BOK: variants seen among roughly 807,000 people sequenced by gnomAD.
BOK encodes the protein BCL2 family apoptosis regulator BOK.
A neutral mutation model predicts 18.3 loss-of-function variants in BOK; 20 were observed. The observed-to-expected ratio is 1.09, with a 90% CI of 0.77 to 1.59. BOK has a LOEUF of 1.59. BOK is among the 40% of genes most tolerant of loss of function. The pLI is 0.00. For synonymous variants in BOK, 173 were observed against 142.4 expected (o/e 1.21, Z -1.53); for missense variants, 348 against 307.9 (o/e 1.13, Z -0.97).
chr2:241,556,278 A>G (rs1359378605), upstream of BOK, among the ~76,000 whole-genome samples: 1 of 152,232 alleles, frequency 6.6e-6, no homozygotes, highest in African/African-American at 2.4e-5. Context: ...ACTACATGAC[A>G]TGGATTAAGA....
At position 241,572,673 on chromosome 2, in the gene BOK, T is replaced by A; in HGVS notation, c.*251T>A. On this transcript the variant is annotated 3_prime_UTR_variant, in exon 5 of 5. Coordinates refer to ENST00000318407, the MANE Select transcript of BOK (RefSeq NM_032515.5). ...CGCTTGTGTCCCTTCTCCTGTGATC[T>A]CTGTGTTTTCCCTTTTCTTTCTGGG... The A allele has an allele frequency of 1.8e-6, 1 of 563,904 alleles. No homozygotes were observed. The highest frequency in any genetic ancestry group is 3.1e-6 in the Non-Finnish European group (1 of 319,304). The allele number at this position is 563,904 out of a possible 1,614,324, so 34.9% of individuals were successfully genotyped here.
At chr2:241,566,480 G>A (rs1291185212) in intron 3 of BOK, among the ~76,000 whole-genome samples, 3 of 151,426 alleles carry the variant, frequency 2.0e-5, no homozygotes, top group Non-Finnish European at 4.4e-5. Context: ...TGTATTGTTA[G>A]TATTATTTAT....
In BOK at chr2:241,562,294, G is replaced by T. The variant is rs2066537429; in HGVS notation, c.221-54G>T. The T allele has an allele frequency of 1.9e-6, 3 of 1,543,822 alleles. No individual in the cohort carries two copies. Among genetic ancestry groups the T allele is most frequent in the Non-Finnish European group, 2.6e-6 (3 of 1,145,716 alleles). Reference sequence around the variant, plus strand: ...GCAGGGTGTGCCCCAAGCCAGTCGTGTCCCAGGAAGCTGGGACGTGGGCTG... The same window carrying T: ...GCAGGGTGTGCCCCAAGCCAGTCGTTTCCCAGGAAGCTGGGACGTGGGCTG... On this transcript the variant is annotated intron_variant, in intron 2 of 4. Coordinates refer to ENST00000318407, the MANE Select transcript of BOK (RefSeq NM_032515.5). This position sits in a 1 kb window ranked among gnomAD's most constrained non-coding sequence, Gnocchi z 4.5.
chr2:241,572,236 C>T (rs372121373), intron 4 of BOK, 61 bp from the exon 5 acceptor site: 54 of 1,588,142 alleles, frequency 3.4e-5, no homozygotes, highest in East Asian at 1.4e-4. Flanking sequence ...GGGGGCCTGG[C>T]GGTGCTGGGG....
chr2:241,568,977 CCGGGGACCGCTGCTAACTCCCTG>C (rs952359431), intron 3 of BOK, among the ~76,000 whole-genome samples: 7 of 150,544 alleles, frequency 4.6e-5, no homozygotes, highest in East Asian at 1.9e-4. Context: ...CTGACTCCCT[CCGGGGACCGCTGCTAACTCCCTG>C]CGGGGATCAC....
At chr2:241,551,906 T>G (rs1574990431) in intron 1 of BOK, among the ~76,000 whole-genome samples, 2 of 138,786 alleles carry the variant, frequency 1.4e-5, no homozygotes, top group South Asian at 2.6e-4. Flanking sequence ...GAACCTGGAG[T>G]GGGGGTGACC....
At position 241,562,271 on chromosome 2, in the gene BOK, A is replaced by G; in HGVS notation, c.221-77A>G. ...GCATGGTCAGGTGGGGGTCAGGTGC[A>G]GGGTGTGCCCCAAGCCAGTCGTGTC... On this transcript the variant is annotated intron_variant, in intron 2 of 4. Transcript: ENST00000318407. The surrounding 1 kb of genome is among the most constrained non-coding windows in gnomAD (Gnocchi z 4.5). 6.6e-7 allele frequency: 1 copy of G among 1,508,694 alleles called. No homozygotes were observed. The highest frequency in any genetic ancestry group is 8.9e-7 in the Non-Finnish European group (1 of 1,127,384). The allele number at this position is 1,508,694 out of a possible 1,614,324, so 93.5% of individuals were successfully genotyped here.
intron 2 of BOK, among the ~76,000 whole-genome samples, chr2:241,561,208 G>A (rs1023828091): frequency 6.4e-4 from 98 of 152,340 alleles, no homozygotes; most frequent in Admixed American, 2.1e-3. Flanking sequence ...AGAACTGGCC[G>A]GGCTGCGGAC....
Position 241,562,545 on chromosome 2 carries a change from G to C in BOK, c.349+69G>C. The C allele has an allele frequency of 2.0e-6, 3 of 1,518,430 alleles. No homozygotes were observed. The South Asian group carries it at 3.9e-5, about 20-fold the overall frequency. 94.1% of individuals were successfully genotyped at this position (1,518,430 alleles called of 1,614,324 possible). On this transcript the variant is annotated intron_variant, in intron 3 of 4. Transcript: ENST00000318407. This position sits in a 1 kb window ranked among gnomAD's most constrained non-coding sequence, Gnocchi z 4.5. ...CAGGGTCTGTGGCTCAGGCTCACAG[G>C]GACCCCACGAGCTGGCCCCCACCCA...
chr2:241,566,112 C>T (rs144025734), intron 3 of BOK, among the ~76,000 whole-genome samples: 44 of 151,616 alleles, frequency 2.9e-4, no homozygotes, highest in African/African-American at 9.7e-4. Flanking sequence ...AGAAGAAACC[C>T]TGTCTCTAAT....
rs1468554636 is a variant in BOK, at chr2:241,567,452, G to A, written c.350-2673G>A. Among the ~76,000 whole-genome samples the A allele has an allele frequency of 2.2e-5, 3 of 134,882 alleles. 1 individual carries two copies. Among genetic ancestry groups the A allele is most frequent in the Admixed American group, 1.5e-4 (2 of 13,478 alleles). The allele number at this position is 134,882 out of a possible 152,430, so 88.5% of individuals were successfully genotyped here. ...TGGAATGCACTGTTCTGATGGAACCGGACACCTCAGAACAGGTTGTCCCGC... is the reference window on the plus strand; with the variant it reads ...TGGAATGCACTGTTCTGATGGAACCAGACACCTCAGAACAGGTTGTCCCGC... On this transcript the variant is annotated intron_variant, in intron 3 of 4. Coordinates refer to ENST00000318407, the MANE Select transcript of BOK (RefSeq NM_032515.5).
intron 3 of BOK, among the ~76,000 whole-genome samples, chr2:241,566,219 G>C (rs963949796): frequency 5.3e-5 from 8 of 152,064 alleles, no homozygotes; most frequent in African/African-American, 1.9e-4. Flanking sequence ...GGGAGGCGCA[G>C]GTTGCGGTGA....
chr2:241,562,352 T>C lies in BOK; in HGVS notation c.225T>C (p.Asp75=). 6.2e-7 allele frequency: 1 copy of C among 1,601,456 alleles called. No homozygotes were observed. The highest frequency in any genetic ancestry group is 8.5e-7 in the Non-Finnish European group (1 of 1,174,614). ...EVCAVLLRLG[D]ELEMIRPSVY... is the part of the protein sequence containing the mutation. ...CCTGCTCTTGTGACCACACAGGCGA[T>C]GAGCTGGAGATGATCCGGCCCAGCG... Residue 75 remains aspartate, a synonymous_variant, in exon 3 of 5, where the codon GAT becomes GAC. Transcript: ENST00000318407. This position sits in a 1 kb window ranked among gnomAD's most constrained non-coding sequence, Gnocchi z 4.5.
At chr2:241,572,156 G>C in intron 4 of BOK, 141 bp from the exon 5 acceptor site, 1 of 1,339,558 alleles carries the variant, frequency 7.5e-7, no homozygotes. Context: ...CCAGGCCACA[G>C]ACCTCCTTCC....
In BOK at chr2:241,559,634, A is replaced by G; in HGVS notation, c.151A>G (p.Ser51Gly). 1 of 1,418,008 alleles carries G rather than the reference A, an allele frequency of 7.1e-7. No homozygotes were observed. Among genetic ancestry groups the G allele is most frequent in the Non-Finnish European group, 9.1e-7 (1 of 1,094,212 alleles). The allele number at this position is 1,418,008 out of a possible 1,614,324, so 87.8% of individuals were successfully genotyped here. ...GCTGCTGCGCGCCGGCCTCTCCTGGAGCGCGCCCGAGCGTGCCGCGCCGGT... is the reference window on the plus strand; with the variant it reads ...GCTGCTGCGCGCCGGCCTCTCCTGGGGCGCGCCCGAGCGTGCCGCGCCGGT... Reference protein sequence around the residue: ...ARLLRAGLSWSAPERAAPVPG... With the variant: ...ARLLRAGLSWGAPERAAPVPG... The change falls in exon 2 of 5, where the codon AGC (serine) becomes GGC (glycine). Residue 51 changes from serine (S) to glycine (G), a missense_variant. Ser to Gly is a moderately conservative substitution (Grantham distance 56, BLOSUM62 0). Transcript: ENST00000318407.
At chr2:241,568,934 T>C (rs1390082080) in intron 3 of BOK, among the ~76,000 whole-genome samples, 1 of 152,094 alleles carries the variant, frequency 6.6e-6, no homozygotes, top group Non-Finnish European at 1.5e-5. Flanking sequence ...GCATGTACAG[T>C]GTCCTCAGGC....
Position 241,562,269 on chromosome 2 carries a change from G to A in BOK, c.221-79G>A. The A allele has an allele frequency of 6.6e-7, 1 of 1,505,300 alleles. No individual in the cohort carries two copies. Among genetic ancestry groups the A allele is most frequent in the Non-Finnish European group, 8.9e-7 (1 of 1,124,876 alleles). The allele number at this position is 1,505,300 out of a possible 1,614,324, so 93.2% of individuals were successfully genotyped here. On this transcript the variant is annotated intron_variant, in intron 2 of 4. Coordinates refer to ENST00000318407, the MANE Select transcript of BOK (RefSeq NM_032515.5). This position sits in a 1 kb window ranked among gnomAD's most constrained non-coding sequence, Gnocchi z 4.5. ...AAGCATGGTCAGGTGGGGGTCAGGT[G>A]CAGGGTGTGCCCCAAGCCAGTCGTG... is the stretch of plus-strand genomic sequence containing the variant.
chr2:241,571,899 C>T (rs554268830), intron 4 of BOK, among the ~76,000 whole-genome samples: 27 of 152,360 alleles, frequency 1.8e-4, no homozygotes, highest in African/African-American at 6.0e-4. Context: ...CAAGGCCCCA[C>T]AGGAGGATGA....
rs1181692076 is a variant in BOK, at chr2:241,562,105, A to G, written c.221-243A>G. 6.6e-6 allele frequency among the ~76,000 whole-genome samples: 1 copy of G among 152,132 alleles called. No individual in the cohort carries two copies. ...CTAGGCTTAGGGGCTGGCTCGTCAG[A>G]GGGGCGGGACTGGGGGCGCCTTCAG... On this transcript the variant is annotated intron_variant, in intron 2 of 4. Coordinates refer to ENST00000318407, the MANE Select transcript of BOK (RefSeq NM_032515.5). This position sits in a 1 kb window ranked among gnomAD's most constrained non-coding sequence, Gnocchi z 4.5.
Sources: gnomAD v4.1 joint callset for allele counts (sites outside exome capture counted in the v4.1 genomes callset) on GRCh38, gnomAD v4.1.1 for gene constraint, Gnocchi (gnomAD v3.1) non-coding constraint, MANE v1.5 for transcripts, NCBI Gene and HGNC (gene_info 2026-07-23, HGNC 2026-07-21) for gene names.